Variants in ATP10D observed in about 807,000 individuals in gnomAD.
The protein encoded by ATP10D is phospholipid-transporting ATPase VD.
A neutral mutation model predicts 144.8 loss-of-function variants in ATP10D; 89 were observed. The ratio of observed to expected loss-of-function variants is 0.61; its 90% CI spans 0.52 to 0.73. ATP10D has a LOEUF of 0.73. Among genes scored for constraint, ATP10D ranks in the 30% least tolerant of loss-of-function variants. The probability of loss-of-function intolerance (pLI) is 0.00; values close to 1 mark genes in which losing one functional copy is unlikely to be tolerated. For synonymous variants in ATP10D, 571 were observed against 615.1 expected (o/e 0.93, Z 1.06); for missense variants, 1,603 against 1,714.8 (o/e 0.93, Z 1.15).
At position 47,558,109 on chromosome 4, in the gene ATP10D, C is replaced by T; in HGVS notation, c.2270C>T (p.Ala757Val). ...CCAGAGCAGGTCATGGTGGACTTTGCTGCTTTGGGACCATTAACATTTCAA... is the reference window on the plus strand; with the variant it reads ...CCAGAGCAGGTCATGGTGGACTTTGTTGCTTTGGGACCATTAACATTTCAA... The part of the protein sequence containing the change: ...RTPEQVMVDF[A>V]ALGPLTFQLL... Residue 757 changes from alanine (A) to valine (V), a missense_variant, in exon 12 of 23, where the codon GCT becomes GTT. Physicochemically the swap from Ala to Val is moderately conservative, Grantham distance 64. Transcript: ENST00000273859. 6.2e-7 allele frequency: 1 copy of T among 1,614,220 alleles called. No individual in the cohort carries two copies. Among genetic ancestry groups the T allele is most frequent in the African/African-American group, 1.3e-5 (1 of 75,056 alleles).
intron 16 of ATP10D, among the ~76,000 whole-genome samples, chr4:47,570,291 G>A (rs1022533534): frequency 6.6e-6 from 1 of 152,116 alleles, no homozygotes; most frequent in South Asian, 2.1e-4. Flanking sequence ...AGAAAGAGTT[G>A]TCATAGGGAA....
chr4:47,581,137 T>C lies in ATP10D; in HGVS notation c.3648+659T>C, dbSNP rs377602041. ...TGCTGGGCTAATTCTACTCGAATGA[T>C]ATTCAGAGCATTAAATTTGAGATTC... On this transcript the variant is annotated intron_variant, in intron 20 of 22. Transcript: ENST00000273859. Among the ~76,000 whole-genome samples the C allele has an allele frequency of 1.8e-4, 28 of 152,314 alleles. No homozygotes were observed. In the East Asian group the frequency reaches 2.7e-3, roughly 15 times the overall value.
Position 47,557,597 on chromosome 4 carries a change from T to G in ATP10D, c.1825-67T>G, listed in dbSNP as rs559489971. 75 of 1,423,274 alleles carry G rather than the reference T, an allele frequency of 5.3e-5. No homozygotes were observed. The African/African-American group carries it at 9.3e-4, about 18-fold the overall frequency. 88.2% of individuals were successfully genotyped at this position (1,423,274 alleles called of 1,614,324 possible). On this transcript the variant is annotated intron_variant, in intron 11 of 22. Coordinates refer to ENST00000273859, the MANE Select transcript of ATP10D (RefSeq NM_020453.4). Reference sequence around the variant, plus strand: ...CTTTTTATATCTAATTTATTTCCAGTTTGCCTTCAAAGTTGTTAGAAACTG... The same window carrying G: ...CTTTTTATATCTAATTTATTTCCAGGTTGCCTTCAAAGTTGTTAGAAACTG...
At chr4:47,572,039 G>A (rs576838754) in intron 16 of ATP10D, 115 bp from the exon 17 acceptor site, 6 of 924,362 alleles carry the variant, frequency 6.5e-6, no homozygotes, top group Non-Finnish European at 8.6e-6. Context: ...CTTGGAGAAC[G>A]GGATGAACTT....
chr4:47,530,982 G>T (rs1247707575), intron 5 of ATP10D, among the ~76,000 whole-genome samples: 1 of 152,144 alleles, frequency 6.6e-6, no homozygotes, highest in Non-Finnish European at 1.5e-5. Flanking sequence ...GTCCTTGCCA[G>T]ATTTGGGTAT....
chr4:47,552,314 C>T (rs1044832893), intron 10 of ATP10D, among the ~76,000 whole-genome samples: 1 of 152,062 alleles, frequency 6.6e-6, no homozygotes, highest in Non-Finnish European at 1.5e-5. Flanking sequence ...TTCAGGCTGC[C>T]AGAACAAAAT....
rs762724057 is a variant in ATP10D, at chr4:47,536,480, C to T, written c.1059C>T (p.Phe353=). ...GCAGGTATGAAAAGATGCATTTTTT[C>T]AATGTTCCCGAGCCTGATGGACATA... ...WLSRYEKMHF[F]NVPEPDGHII... is the part of the protein sequence containing the mutation. Residue 353 remains phenylalanine (F), a synonymous_variant, in exon 8 of 23, where the codon TTC becomes TTT. Transcript: ENST00000273859. 46 of 1,613,316 alleles carry T rather than the reference C, an allele frequency of 2.9e-5. No individual in the cohort carries two copies. The South Asian group carries it at 4.8e-4, about 17-fold the overall frequency.
chr4:47,522,297 G>A (rs1716986570), intron 3 of ATP10D, among the ~76,000 whole-genome samples: 1 of 152,206 alleles, frequency 6.6e-6, no homozygotes, highest in South Asian at 2.1e-4. Context: ...TGCCTGATGG[G>A]AAGTGCTGTG....
chr4:47,515,200 A>G (rs1045002829), intron 2 of ATP10D, among the ~76,000 whole-genome samples: 3 of 152,088 alleles, frequency 2.0e-5, no homozygotes, highest in Non-Finnish European at 2.9e-5. Flanking sequence ...ACCTCAAGTG[A>G]TCTGCCCGCC....
At position 47,591,023 on chromosome 4, in the gene ATP10D, G is replaced by A. The variant is rs781021668; in HGVS notation, c.3942-19G>A. On this transcript the variant is annotated intron_variant, in intron 22 of 22. Transcript: ENST00000273859. The stretch of plus-strand genomic sequence containing the variant: ...CATTTGAGATGAATTTAATTCTAAT[G>A]ATGTTCCTTGTCACCTAGGTTTGTA... The A allele has an allele frequency of 7.1e-7, 1 of 1,406,070 alleles. No individual in the cohort carries two copies. Among genetic ancestry groups the A allele is most frequent in the Non-Finnish European group, 9.7e-7 (1 of 1,033,730 alleles). The allele number at this position is 1,406,070 out of a possible 1,614,324, so 87.1% of individuals were successfully genotyped here.
chr4:47,492,568 A>G (rs1366643518), intron 1 of ATP10D, among the ~76,000 whole-genome samples: 1 of 152,148 alleles, frequency 6.6e-6, no homozygotes, highest in Non-Finnish European at 1.5e-5. Flanking sequence ...GTTTAAATAT[A>G]TGTGTTGAGA....
chr4:47,512,372 A>G, intron 1 of ATP10D, 132 bp from the exon 2 acceptor site: 2 of 590,096 alleles, frequency 3.4e-6, no homozygotes, highest in Non-Finnish European at 5.8e-6. Context: ...TCTAAAGACT[A>G]CTTTTACTTT....
At chr4:47,558,871 TC>T in intron 12 of ATP10D, 51 bp from the exon 13 acceptor site, 1 of 1,384,580 alleles carries the variant, frequency 7.2e-7, no homozygotes, top group Non-Finnish European at 1.0e-6. Flanking sequence ...AAAAAGTATT[TC>T]TGTAATTTGG....
At chr4:47,543,698 A>G (rs10938492) in intron 9 of ATP10D, among the ~76,000 whole-genome samples, 35,725 of 152,046 alleles carry the variant, frequency 0.23, 4,200 homozygotes, top group Admixed American at 0.3. Context: ...TCCACCCACA[A>G]CTAGCTGTTT....
At chr4:47,488,210 A>T (rs1714870499) in intron 1 of ATP10D, among the ~76,000 whole-genome samples, 1 of 152,288 alleles carries the variant, frequency 6.6e-6, no homozygotes, top group Admixed American at 6.5e-5. Flanking sequence ...GTTTTTTAAA[A>T]ATTTAATGAC....
intron 11 of ATP10D, among the ~76,000 whole-genome samples, chr4:47,555,807 G>A (rs574889309): frequency 5.8e-4 from 87 of 150,788 alleles, no homozygotes; most frequent in African/African-American, 1.2e-3. Flanking sequence ...AGGCTGGAGC[G>A]CAGTGGCGTG....
At position 47,536,814 on chromosome 4, in the gene ATP10D, C is replaced by T; in HGVS notation, c.1272C>T (p.Asn424=). Residue 424 remains asparagine (N), a synonymous_variant, in exon 9 of 23, where the codon AAC becomes AAT. Transcript: ENST00000273859. ...MDSIVQCRAL[N]IAEDLGQIQY... is the part of the protein sequence containing the mutation. ...CTATTGTTCAGTGCCGAGCCCTGAA[C>T]ATCGCCGAGGATCTGGGACAGATTC... 1 of 1,613,280 alleles carries T rather than the reference C, an allele frequency of 6.2e-7. No individual in the cohort carries two copies. The highest frequency in any genetic ancestry group is 1.1e-5 in the South Asian group (1 of 91,036).
chr4:47,514,596 G>A (rs568810074), intron 2 of ATP10D, among the ~76,000 whole-genome samples: 6 of 152,264 alleles, frequency 3.9e-5, no homozygotes, highest in Admixed American at 3.9e-4. Flanking sequence ...TTACCATATG[G>A]CCCAAAATTA....
intron 22 of ATP10D, among the ~76,000 whole-genome samples, chr4:47,587,890 A>T (rs1449771795): frequency 6.6e-6 from 1 of 152,156 alleles, no homozygotes; most frequent in African/African-American, 2.4e-5. Flanking sequence ...GAAGGTGACT[A>T]CTCAGCTGAT....
Sources: allele counts gnomAD v4.1 joint callset (sites outside exome capture counted in the v4.1 genomes callset), GRCh38; gene constraint gnomAD v4.1.1; transcripts MANE v1.5; gene names NCBI Gene and HGNC (gene_info 2026-07-23, HGNC 2026-07-21).